The following MYO9A variants were observed in gnomAD, a reference collection of about 807,000 sequenced individuals.
MYO9A encodes unconventional myosin-IXa.
MYO9A carries 103 observed loss-of-function variants against 293.3 expected under a neutral mutation model. The ratio of observed to expected loss-of-function variants is 0.35; its 90% CI spans 0.30 to 0.41. The LOEUF is 0.41. Among genes scored for constraint, MYO9A ranks in the 10% least tolerant of loss-of-function variants. The pLI, the probability that MYO9A is intolerant of heterozygous loss-of-function variation, is 1.00. For missense variants in MYO9A, 2,685 were observed against 3,033.0 expected, an observed-to-expected ratio of 0.89 and a Z score of 2.69; for synonymous variants, 1,001 against 1,035.7, an observed-to-expected ratio of 0.97 and a Z score of 0.64.
chr15:72,021,579 T>G (rs1250179374), intron 4 of MYO9A, among the ~76,000 whole-genome samples: 1 of 152,160 alleles, frequency 6.6e-6, no homozygotes, highest in Non-Finnish European at 1.5e-5. Flanking sequence ...ACAGCCATAT[T>G]CAAGGCTGAC....
At chr15:71,962,338 C>T (rs952092691) in intron 13 of MYO9A, among the ~76,000 whole-genome samples, 5 of 152,176 alleles carry the variant, frequency 3.3e-5, no homozygotes, top group Non-Finnish European at 7.3e-5. Flanking sequence ...GTCATCTATC[C>T]TCATGTACAG....
At chr15:72,012,931 A>C (rs2077216580) in intron 6 of MYO9A, among the ~76,000 whole-genome samples, 1 of 152,236 alleles carries the variant, frequency 6.6e-6, no homozygotes, top group South Asian at 2.1e-4. Flanking sequence ...TTAGAAACCC[A>C]AAGTGGTCTC....
At chr15:71,974,680 T>C (rs899547689) in intron 12 of MYO9A, among the ~76,000 whole-genome samples, 1 of 152,210 alleles carries the variant, frequency 6.6e-6, no homozygotes, top group African/African-American at 2.4e-5. Context: ...GGGGGTGGGT[T>C]GTACCTTCAC....
intron 11 of MYO9A, among the ~76,000 whole-genome samples, chr15:71,984,923 T>TTTG (rs765529656): frequency 7.2e-5 from 11 of 152,092 alleles, no homozygotes; most frequent in African/African-American, 1.7e-4. Flanking sequence ...CTTGGGATAT[T>TTTG]TTGTTGTTGT....
chr15:71,904,074 G>A, intron 20 of MYO9A, 35 bp from the exon 21 acceptor site: 3 of 1,471,416 alleles, frequency 2.0e-6, no homozygotes, highest in Non-Finnish European at 2.8e-6. Flanking sequence ...ACCCAGAACA[G>A]TAGATCTCCA....
At chr15:71,844,822 T>C (rs1156593384) in intron 39 of MYO9A, among the ~76,000 whole-genome samples, 3 of 152,168 alleles carry the variant, frequency 2.0e-5, no homozygotes, top group Non-Finnish European at 2.9e-5. Context: ...ATGAATTGCA[T>C]TGCCTTTAGT....
At chr15:72,105,861 T>G (rs890309854) in intron 1 of MYO9A, among the ~76,000 whole-genome samples, 1 of 152,254 alleles carries the variant, frequency 6.6e-6, no homozygotes, top group Admixed American at 6.5e-5. Context: ...TACACATAGT[T>G]CAAAAGATTA....
chr15:71,832,503 A>G (rs145651563), intron 39 of MYO9A, among the ~76,000 whole-genome samples: 37 of 152,378 alleles, frequency 2.4e-4, no homozygotes, highest in African/African-American at 8.7e-4. Context: ...ATTAGATTCA[A>G]AGTTTATTTC....
At chr15:71,902,335 T>A (rs2057509671) in intron 22 of MYO9A, among the ~76,000 whole-genome samples, 1 of 151,936 alleles carries the variant, frequency 6.6e-6, no homozygotes, top group Admixed American at 6.6e-5. Flanking sequence ...CATAAAGAAC[T>A]AAGTATATTA....
intron 12 of MYO9A, among the ~76,000 whole-genome samples, chr15:71,976,808 A>T (rs906252920): frequency 7.2e-5 from 11 of 152,380 alleles, no homozygotes; most frequent in African/African-American, 2.4e-4. Flanking sequence ...AGAGTAGGTC[A>T]GAGTGACACT....
Position 72,050,070 on chromosome 15 carries a change from AAGTG to A in MYO9A, c.-71-3440_-71-3437del, listed in dbSNP as rs2078508335. ...TCACACCTGCTCCTTCCTGAAACAG[AAGTG>A]TTTACCTTTTTTGAGTCCTAGTTTT... is the stretch of plus-strand genomic sequence containing the variant. On this transcript the variant is annotated intron_variant, in intron 1 of 41. Transcript: ENST00000356056. Among the ~76,000 whole-genome samples the A allele has an allele frequency of 2.6e-5, 4 of 152,270 alleles. No individual in the cohort carries two copies. The South Asian group carries it at 8.3e-4, about 32-fold the overall frequency.
chr15:71,884,917 A>C (rs1024583136), intron 27 of MYO9A, among the ~76,000 whole-genome samples: 5 of 151,594 alleles, frequency 3.3e-5, no homozygotes, highest in African/African-American at 1.2e-4. Context: ...AGTTAAAATC[A>C]AGTCTATCTG....
chr15:71,978,316 A>G, intron 11 of MYO9A, 24 bp from the exon 12 acceptor site: 1 of 1,579,632 alleles, frequency 6.3e-7, no homozygotes, highest in Non-Finnish European at 8.6e-7. Context: ...AAAATAAAAT[A>G]ACAATTTATT....
intron 11 of MYO9A, 42 bp from the exon 12 acceptor site, chr15:71,978,334 C>T: frequency 6.5e-7 from 1 of 1,543,872 alleles, no homozygotes; most frequent in Non-Finnish European, 8.8e-7. Context: ...ATTCATCTTG[C>T]AGAAAATAGG....
chr15:71,933,538 C>T (rs1346201729), intron 18 of MYO9A, 132 bp downstream of exon 18: 2 of 817,582 alleles, frequency 2.4e-6, no homozygotes, highest in Admixed American at 2.5e-5. Flanking sequence ...ATGGATTCAA[C>T]TAAGTGCACG....
At chr15:71,874,109 G>A (rs749020304) in intron 32 of MYO9A, among the ~76,000 whole-genome samples, 10 of 152,118 alleles carry the variant, frequency 6.6e-5, no homozygotes, top group Non-Finnish European at 1.0e-4. Context: ...CTTGTGAAAA[G>A]GCAGAAACTT....
chr15:72,113,490 AAG>A (rs2080856179), intron 1 of MYO9A, among the ~76,000 whole-genome samples: 1 of 152,216 alleles, frequency 6.6e-6, no homozygotes, highest in East Asian at 1.9e-4. Context: ...CTAGAGAATT[AAG>A]AGTTAGATCA....
intron 1 of MYO9A, among the ~76,000 whole-genome samples, chr15:72,090,162 T>C (rs1310160617): frequency 2.0e-5 from 3 of 152,220 alleles, no homozygotes; most frequent in Non-Finnish European, 2.9e-5. Flanking sequence ...TCTGAAGTTT[T>C]AGAGAAATCC....
chr15:72,109,448 T>C (rs2080697949), intron 1 of MYO9A, among the ~76,000 whole-genome samples: 2 of 151,728 alleles, frequency 1.3e-5, no homozygotes, highest in Non-Finnish European at 1.5e-5. Flanking sequence ...CAAATATGGA[T>C]GGCATAACGC....
Sources: gnomAD v4.1 joint callset for allele counts (sites outside exome capture counted in the v4.1 genomes callset) on GRCh38, gnomAD v4.1.1 for gene constraint, MANE v1.5 for transcripts, NCBI Gene and HGNC (gene_info 2026-07-23, HGNC 2026-07-21) for gene names.